NUP54: variants seen among roughly 807,000 people sequenced by gnomAD.
NUP54 encodes nucleoporin 54.
Under a neutral mutation model 66.4 loss-of-function variants are expected in NUP54, and 27 were observed. The observed-to-expected ratio is 0.41, with a 90% confidence interval of 0.30 to 0.56. The LOEUF (loss-of-function observed/expected upper bound fraction) is 0.56, where lower values mean the gene tolerates loss of function less well. NUP54 is among the 20% of genes least tolerant of loss of function. The pLI, the probability that NUP54 is intolerant of heterozygous loss-of-function variation, is 0.34. For missense variants in NUP54, 486 were observed against 596.3 expected, an observed-to-expected ratio of 0.82 and a Z score of 1.93; for synonymous variants, 206 against 210.7, an observed-to-expected ratio of 0.98 and a Z score of 0.19.
At chr4:76,133,142 C>G (rs1299820661) in intron 5 of NUP54, among the ~76,000 whole-genome samples, 1 of 151,730 alleles carries the variant, frequency 6.6e-6, no homozygotes, top group East Asian at 1.9e-4. Context: ...AAGCAATCCT[C>G]CCACCTTGAC....
At chr4:76,147,466 C>A (rs1280344920) in intron 1 of NUP54, 4 of 1,288,024 alleles carry the variant, frequency 3.1e-6, no homozygotes, top group Non-Finnish European at 2.0e-6. Context: ...CACATACAAC[C>A]CGCAGTATCT....
chr4:76,147,673 T>A (rs1452226573), intron 1 of NUP54: 1 of 1,268,562 alleles, frequency 7.9e-7, no homozygotes, highest in African/African-American at 1.6e-5. Context: ...AACAAAATTT[T>A]AAAAAGGGGG....
At position 76,123,538 on chromosome 4, in the gene NUP54, A is replaced by T. The variant is rs1427061101; in HGVS notation, c.1164+1111T>A. Among the ~76,000 whole-genome samples, 3 of 151,738 alleles carry T rather than the reference A, an allele frequency of 2.0e-5. No homozygotes were observed. In the East Asian group the frequency reaches 5.8e-4, roughly 29 times the overall value. On this transcript the variant is annotated intron_variant, in intron 9 of 11. Coordinates refer to ENST00000264883, the MANE Select transcript of NUP54 (RefSeq NM_017426.4). ...TTTTTTCTCCTTTTTTCTGAGATGGAGTCTTGCTCTGTAGCCTAGGCTGGA... is the reference window on the plus strand; with the variant it reads ...TTTTTTCTCCTTTTTTCTGAGATGGTGTCTTGCTCTGTAGCCTAGGCTGGA...
chr4:76,144,131 T>C lies in NUP54; in HGVS notation c.295+18A>G. The C allele has an allele frequency of 6.2e-7, 1 of 1,613,172 alleles. No homozygotes were observed. Among genetic ancestry groups the C allele is most frequent in the African/African-American group, 1.3e-5 (1 of 74,982 alleles). On this transcript the variant is annotated intron_variant, in intron 3 of 11. Transcript: ENST00000264883. ...ATCATCACGGTTTTGTATTTGAAGC[T>C]GAAAACCTCATACTTACTAGTTTGC...
rs1189071559 is a variant in NUP54 at position 76,131,192 on chromosome 4, AT to A, written c.962+37del. The A allele has an allele frequency of 4.6e-6, 6 of 1,296,720 alleles. No homozygotes were observed. The African/African-American group carries it at 8.9e-5, about 19-fold the overall frequency. 80.3% of individuals were successfully genotyped at this position (1,296,720 alleles called of 1,614,324 possible). ...CATGTTTGCTTTCCTAGTAGCAAAT[AT>A]TAGTTCTTAAATGAAACAAGATGAA... On this transcript the variant is annotated intron_variant, in intron 7 of 11. Coordinates refer to ENST00000264883, the MANE Select transcript of NUP54 (RefSeq NM_017426.4).
chr4:76,141,956 T>C (rs1731284671), intron 3 of NUP54, among the ~76,000 whole-genome samples: 1 of 152,206 alleles, frequency 6.6e-6, no homozygotes, highest in African/African-American at 2.4e-5. Context: ...CCATGCCATG[T>C]TATTTCCTCT....
intron 10 of NUP54, 105 bp from the exon 11 acceptor site, chr4:76,117,879 ATT>A (rs1730022284): frequency 2.8e-6 from 3 of 1,062,128 alleles, no homozygotes; most frequent in Non-Finnish European, 4.2e-6. Flanking sequence ...AAAAATTTCT[ATT>A]TCTCTCTCTG....
chr4:76,132,426 T>C (rs1220002180), intron 6 of NUP54, 97 bp downstream of exon 6: 3 of 806,718 alleles, frequency 3.7e-6, no homozygotes, highest in African/African-American at 3.5e-5. Flanking sequence ...ATACTAATTT[T>C]ATTAGCATTA....
At chr4:76,146,415 G>A (rs1731502220) in intron 1 of NUP54, among the ~76,000 whole-genome samples, 1 of 152,220 alleles carries the variant, frequency 6.6e-6, no homozygotes. Flanking sequence ...TCAAAGGACA[G>A]TGATATGTGA....
chr4:76,125,336 A>ACG (rs1238783900), intron 8 of NUP54, among the ~76,000 whole-genome samples: 76 of 126,978 alleles, frequency 6.0e-4, no homozygotes, highest in Non-Finnish European at 9.1e-4. Flanking sequence ...ACACACACAC[A>ACG]CACACACACA....
At chr4:76,144,605 T>C in intron 1 of NUP54, 132 bp from the exon 2 acceptor site, 1 of 650,616 alleles carries the variant, frequency 1.5e-6, no homozygotes, top group Non-Finnish European at 2.5e-6. Flanking sequence ...TTTCCCTACT[T>C]TCAAGATCAA....
intron 3 of NUP54, among the ~76,000 whole-genome samples, chr4:76,136,840 A>T (rs530801613): frequency 3.9e-5 from 6 of 152,344 alleles, no homozygotes; most frequent in East Asian, 1.9e-4. Context: ...TCATTTTAGC[A>T]CAGTGAAACC....
intron 9 of NUP54, among the ~76,000 whole-genome samples, chr4:76,124,173 C>T (rs146685306): frequency 6.6e-6 from 1 of 152,132 alleles, no homozygotes; most frequent in East Asian, 1.9e-4. Flanking sequence ...CTGTTTCCCA[C>T]TGGTTCTGGT....
chr4:76,122,169 C>CT (rs1730264484), intron 9 of NUP54, among the ~76,000 whole-genome samples: 1 of 152,186 alleles, frequency 6.6e-6, no homozygotes, highest in African/African-American at 2.4e-5. Context: ...ACCAACCTTG[C>CT]ATTCCTGAAA....
intron 5 of NUP54, among the ~76,000 whole-genome samples, chr4:76,133,911 A>G (rs1578684697): frequency 6.6e-6 from 1 of 152,290 alleles, no homozygotes; most frequent in East Asian, 1.9e-4. Context: ...ATGGCCCTCA[A>G]TTTGCACGCA....
chr4:76,148,393 C>G lies in NUP54; in HGVS notation c.-19G>C. 1 of 1,497,138 alleles carries G rather than the reference C, an allele frequency of 6.7e-7. No individual in the cohort carries two copies. Among genetic ancestry groups the G allele is most frequent in the Non-Finnish European group, 8.9e-7 (1 of 1,119,486 alleles). 92.7% of individuals were successfully genotyped at this position (1,497,138 alleles called of 1,614,324 possible). On this transcript the variant is annotated 5_prime_UTR_variant, in exon 1 of 12. Coordinates refer to ENST00000264883, the MANE Select transcript of NUP54 (RefSeq NM_017426.4). ...AGGCCATGTCGCGAAAGCAGGAGAC[C>G]AAGTAGGTTACTCCTGCGACGCGCA... is the stretch of plus-strand genomic sequence containing the variant.
In NUP54 at chr4:76,141,347, C is replaced by T. The variant is rs550334627; in HGVS notation, c.295+2802G>A. On this transcript the variant is annotated intron_variant, in intron 3 of 11. Transcript: ENST00000264883. Reference sequence around the variant, plus strand: ...ATCAGGTCTCCTAAATTACATCATCCATATCTACCACTTTAAATACTACTT... The same window carrying T: ...ATCAGGTCTCCTAAATTACATCATCTATATCTACCACTTTAAATACTACTT... Among the ~76,000 whole-genome samples, 8 of 152,248 alleles carry T rather than the reference C, an allele frequency of 5.3e-5. No individual in the cohort carries two copies. In the South Asian group the frequency reaches 1.5e-3, roughly 28 times the overall value.
chr4:76,125,898 T>C (rs1730519721), intron 8 of NUP54, among the ~76,000 whole-genome samples: 1 of 145,056 alleles, frequency 6.9e-6, no homozygotes, highest in African/African-American at 2.6e-5. Context: ...GGGAGAGACC[T>C]ATCTCAAAAG....
chr4:76,139,720 G>C (rs1435861330), intron 3 of NUP54, among the ~76,000 whole-genome samples: 4 of 152,276 alleles, frequency 2.6e-5, no homozygotes, highest in Admixed American at 2.0e-4. Context: ...TTTAAAGAGA[G>C]AAGTATAGTA....
Sources: allele counts gnomAD v4.1 joint callset (sites outside exome capture counted in the v4.1 genomes callset), GRCh38; gene constraint gnomAD v4.1.1; transcripts MANE v1.5; gene names NCBI Gene and HGNC (gene_info 2026-07-23, HGNC 2026-07-21).